The following TRMT11 variants were observed in gnomAD, a reference collection of about 807,000 sequenced individuals.
TRMT11 encodes the protein tRNA methyltransferase 11, also known as tRNA (guanine(10)-N(2))-methyltransferase TRMT11.
Under a neutral mutation model 62.8 loss-of-function variants are expected in TRMT11, and 53 were observed. The ratio of observed to expected loss-of-function variants is 0.84; its 90% CI spans 0.68 to 1.06. TRMT11 has a LOEUF of 1.06. Among genes scored for constraint, TRMT11 ranks in the 50% least tolerant of loss-of-function variants. The probability of loss-of-function intolerance (pLI) is 0.00; values close to 1 mark genes in which losing one functional copy is unlikely to be tolerated. For synonymous variants in TRMT11, 188 were observed against 190.3 expected, an observed-to-expected ratio of 0.99 and a Z score of 0.10; for missense variants, 556 against 553.4, an observed-to-expected ratio of 1.00 and a Z score of -0.05.
At chr6:126,024,028 C>G (rs1279999395) in intron 12 of TRMT11, among the ~76,000 whole-genome samples, 1 of 152,016 alleles carries the variant, frequency 6.6e-6, no homozygotes, top group Non-Finnish European at 1.5e-5. Context: ...GTTTTTGCAC[C>G]CTGATTGCTT....
the TRMT11 span, among the ~76,000 whole-genome samples, chr6:126,264,843 C>T: frequency 2.6e-5 from 4 of 152,064 alleles, no homozygotes; most frequent in Admixed American, 2.6e-4. Context: ...ATTTTGGATT[C>T]ATCAAGCCAA....
downstream of TRMT11, among the ~76,000 whole-genome samples, chr6:126,043,095 C>T (rs1775927919): frequency 6.6e-6 from 1 of 150,996 alleles, no homozygotes; most frequent in Non-Finnish European, 1.5e-5. Context: ...GGTACATGTG[C>T]ATAATGTGCA....
intron 21 of TRMT11, among the ~76,000 whole-genome samples, chr6:126,137,133 A>G (rs1777860175): frequency 6.6e-6 from 1 of 151,844 alleles, no homozygotes; most frequent in African/African-American, 2.4e-5. Flanking sequence ...AAACAGACAC[A>G]TGGTATTACA....
At chr6:126,179,631 A>G (rs1778433169) in intron 1 of TRMT11, among the ~76,000 whole-genome samples, 1 of 152,184 alleles carries the variant, frequency 6.6e-6, no homozygotes, top group African/African-American at 2.4e-5. Flanking sequence ...TTTCTACCAA[A>G]TAATATTAAC....
intron 17 of TRMT11, among the ~76,000 whole-genome samples, chr6:126,098,838 A>G (rs1008332167): frequency 5.3e-5 from 8 of 152,202 alleles, no homozygotes; most frequent in Admixed American, 5.2e-4. Context: ...ATGTTTCAGT[A>G]GTTTAGGAAA....
intron 17 of TRMT11, among the ~76,000 whole-genome samples, chr6:126,075,425 G>A (rs1776993029): frequency 6.6e-6 from 1 of 151,898 alleles, no homozygotes; most frequent in South Asian, 2.1e-4. Context: ...TGCTATTCTC[G>A]TGATAGTGAG....
chr6:125,995,821 A>G, intron 2 of TRMT11, 146 bp from the exon 3 acceptor site: 2 of 623,588 alleles, frequency 3.2e-6, no homozygotes, highest in Non-Finnish European at 5.7e-6. Context: ...TTACTATTGG[A>G]ACGATTTTTA....
intron 21 of TRMT11, among the ~76,000 whole-genome samples, chr6:126,118,302 T>C (rs1777613120): frequency 6.6e-6 from 1 of 152,102 alleles, no homozygotes; most frequent in Non-Finnish European, 1.5e-5. Context: ...CAGTCCTTAG[T>C]CATTTCTAGT....
At chr6:126,037,550 T>C (rs1179625262) in intron 12 of TRMT11, among the ~76,000 whole-genome samples, 1 of 152,066 alleles carries the variant, frequency 6.6e-6, no homozygotes, top group Non-Finnish European at 1.5e-5. Flanking sequence ...CCATAAAATT[T>C]CAGTAGCTAC....
At position 126,151,956 on chromosome 6, in the gene TRMT11, C is replaced by CTTTCTTTCTTTCT. The variant is rs1395751133; in HGVS notation, c.*1824-22866_*1824-22865insCTTTCTTTCTTTT. 3.9e-4 allele frequency among the ~76,000 whole-genome samples: 23 copies of CTTTCTTTCTTTCT among 58,376 alleles called. 1 individual carries two copies. Among genetic ancestry groups the CTTTCTTTCTTTCT allele is most frequent in the South Asian group, 1.2e-3 (2 of 1,702 alleles). The allele number at this position is 58,376 out of a possible 152,430, so 38.3% of individuals were successfully genotyped here. A position where few individuals can be genotyped will look rare whatever the true frequency, so the allele number is the denominator to read the frequency against. On this transcript the variant is annotated intron_variant and NMD_transcript_variant, in intron 21 of 22. Transcript: ENST00000648977. The stretch of plus-strand genomic sequence containing the variant: ...CTTTCTTTCTTTCTTTTCTTTCTTT[C>CTTTCTTTCTTTCT]TTTTCTTTCTTTCCTCTCTCTCTCC...
At chr6:126,189,360 TC>T (rs1443576887) in intron 1 of TRMT11, among the ~76,000 whole-genome samples, 2 of 152,168 alleles carry the variant, frequency 1.3e-5, no homozygotes, top group African/African-American at 2.4e-5. Context: ...TTAACTAAAA[TC>T]CTTCTTCTGA....
chr6:126,052,790 G>A (rs944755741), intron 16 of TRMT11, among the ~76,000 whole-genome samples: 10 of 152,196 alleles, frequency 6.6e-5, no homozygotes, highest in African/African-American at 2.4e-4. Context: ...TCTTGCATTT[G>A]TTAGCTTGTT....
At chr6:126,237,532 T>A in the TRMT11 span, among the ~76,000 whole-genome samples, 11 of 151,856 alleles carry the variant, frequency 7.2e-5, no homozygotes, top group African/African-American at 2.7e-4. Context: ...ATACAAAAAA[T>A]TAGCTGGGCG....
At chr6:126,094,128 A>T (rs1461643468) in intron 17 of TRMT11, among the ~76,000 whole-genome samples, 1 of 151,826 alleles carries the variant, frequency 6.6e-6, no homozygotes, top group Admixed American at 6.6e-5. Flanking sequence ...CCAAACTTAG[A>T]CCCATCTTAT....
chr6:126,101,454 T>C (rs1204579945), intron 17 of TRMT11, among the ~76,000 whole-genome samples: 1 of 152,238 alleles, frequency 6.6e-6, no homozygotes, highest in African/African-American at 2.4e-5. Context: ...CAGGTGTATC[T>C]GTTCCCATTT....
At chr6:125,996,117 T>G (rs564540337) in intron 3 of TRMT11, 77 bp downstream of exon 3, 530 of 1,031,694 alleles carry the variant, frequency 5.1e-4, no homozygotes, top group Non-Finnish European at 7.4e-4. Flanking sequence ...TTTGCTATAT[T>G]GGGCAGTGTG....
the TRMT11 span, among the ~76,000 whole-genome samples, chr6:126,264,087 C>T: frequency 2.0e-5 from 3 of 152,032 alleles, no homozygotes; most frequent in African/African-American, 2.4e-5. Flanking sequence ...ATCATTAACA[C>T]GTGCCTAGGT....
chr6:126,245,589 AT>A, the TRMT11 span, among the ~76,000 whole-genome samples: 1 of 152,272 alleles, frequency 6.6e-6, no homozygotes, highest in South Asian at 2.1e-4. Context: ...TTGGTAGCCA[AT>A]TAGGTAAGTG....
intron 21 of TRMT11, among the ~76,000 whole-genome samples, chr6:126,154,798 G>A (rs971852141): frequency 1.3e-5 from 2 of 152,206 alleles, no homozygotes; most frequent in African/African-American, 2.4e-5. Flanking sequence ...TCTTGGCCCA[G>A]TGGTGCCTGG....
Sources: gnomAD v4.1 joint callset for allele counts (sites outside exome capture counted in the v4.1 genomes callset) on GRCh38, gnomAD v4.1.1 for gene constraint, MANE v1.5 for transcripts, NCBI Gene and HGNC (gene_info 2026-07-23, HGNC 2026-07-21) for gene names.